PHACTR2: variants seen among roughly 807,000 people sequenced by gnomAD.
The protein encoded by PHACTR2 is phosphatase and actin regulator 2.
In PHACTR2, 30 loss-of-function variants were observed where a neutral mutation model predicts 76.0. That is an observed-to-expected ratio of 0.39 (90% CI 0.30 to 0.54). The LOEUF is 0.54. Ranked by LOEUF, PHACTR2 falls within the 20% of genes least tolerant of loss-of-function variation. The pLI is 0.61. For synonymous variants in PHACTR2, 292 were observed against 292.5 expected (o/e 1.00, Z 0.02); for missense variants, 696 against 781.1 (o/e 0.89, Z 1.30).
chr6:143,602,034 G>A lies in PHACTR2; in HGVS notation c.217+64827G>A, dbSNP rs1158789670. ...AAGCATTTATCATTTTTTATGTTAG[G>A]AACATTCCAATTCCACTCTTTTAGT... On this transcript the variant is annotated intron_variant, in intron 1 of 11. Coordinates refer to the PHACTR2 transcript ENST00000367584. This position sits in a 1 kb window ranked among gnomAD's most constrained non-coding sequence, Gnocchi z 6.1. 6.6e-6 allele frequency among the ~76,000 whole-genome samples: 1 copy of A among 152,108 alleles called. No individual in the cohort carries two copies. Among genetic ancestry groups the A allele is most frequent in the Non-Finnish European group, 1.5e-5 (1 of 68,006 alleles).
At chr6:143,631,872 T>C (rs1379004777) in intron 1 of PHACTR2, among the ~76,000 whole-genome samples, 1 of 152,216 alleles carries the variant, frequency 6.6e-6, no homozygotes, top group Non-Finnish European at 1.5e-5. Context: ...CTGTCTTTAT[T>C]TGGCAGTCCC....
rs1194814902 is a variant in PHACTR2, at chr6:143,710,281, T to A, written c.47-1735T>A. ...AGGAATCTCACCACCGTGTTGTTTC[T>A]TGGGTTCTGAGGTCCCAGGCTTGTC... On this transcript the variant is annotated intron_variant, in intron 1 of 12. Coordinates refer to ENST00000440869, the MANE Select transcript of PHACTR2 (RefSeq NM_001100164.2). This position sits in a 1 kb window ranked among gnomAD's most constrained non-coding sequence, Gnocchi z 4.9. 7.9e-5 allele frequency among the ~76,000 whole-genome samples: 12 copies of A among 152,234 alleles called. No individual in the cohort carries two copies. Among genetic ancestry groups the A allele is most frequent in the Non-Finnish European group, 1.5e-4 (10 of 68,038 alleles).
At chr6:143,579,767 T>C (rs1437289889) in intron 1 of PHACTR2, among the ~76,000 whole-genome samples, 2 of 152,000 alleles carry the variant, frequency 1.3e-5, no homozygotes, top group African/African-American at 4.8e-5. Flanking sequence ...TATGAAAAAC[T>C]ACCCTACAGT....
At position 143,765,665 on chromosome 6, in the gene PHACTR2, C is replaced by A; in HGVS notation, c.1099C>A (p.Leu367Ile). ...CITASDTPVV[L>I]VSVGADLPVS... ...TACTGCCTCAGACACTCCAGTTGTCCTCGTCAGCGTTGGAGCTGACCTGCC... is the reference window on the plus strand; with the variant it reads ...TACTGCCTCAGACACTCCAGTTGTCATCGTCAGCGTTGGAGCTGACCTGCC... The change falls in exon 6 of 13, where the codon CTC becomes ATC. Residue 367 changes from leucine (L) to isoleucine (I), a missense_variant. This residue lies in a region of PHACTR2 where 460 missense variants were observed against 450.9 expected (regional missense o/e 1.02). Transcript: ENST00000440869. This position sits in a 1 kb window ranked among gnomAD's most constrained non-coding sequence, Gnocchi z 4.1. 6.2e-7 allele frequency: 1 copy of A among 1,614,208 alleles called. No individual in the cohort carries two copies. Among genetic ancestry groups the A allele is most frequent in the Non-Finnish European group, 8.5e-7 (1 of 1,180,042 alleles).
intron 1 of PHACTR2, among the ~76,000 whole-genome samples, chr6:143,651,955 G>T (rs528953182): frequency 1.3e-5 from 2 of 151,452 alleles, no homozygotes; most frequent in African/African-American, 2.4e-5. Context: ...TAGAGAAAAG[G>T]CAGCCACCTA....
At position 143,549,714 on chromosome 6, in the gene PHACTR2, T is replaced by C. The variant is rs960317690; in HGVS notation, c.217+12507T>C. Among the ~76,000 whole-genome samples, 4 of 152,074 alleles carry C rather than the reference T, an allele frequency of 2.6e-5. No homozygotes were observed. The highest frequency in any genetic ancestry group is 7.2e-5 in the African/African-American group (3 of 41,450). On this transcript the variant is annotated intron_variant, in intron 1 of 11. Coordinates refer to the PHACTR2 transcript ENST00000367584. The surrounding 1 kb of genome is among the most constrained non-coding windows in gnomAD (Gnocchi z 4.2). ...CTGCCTGGCTGCCACTCCTCCCTTC[T>C]TCTGCACACGCCTACTTTAACAGTT...
At chr6:143,560,118 A>G (rs1293575862) in intron 1 of PHACTR2, among the ~76,000 whole-genome samples, 2 of 152,212 alleles carry the variant, frequency 1.3e-5, no homozygotes, top group African/African-American at 4.8e-5. Flanking sequence ...TCGGGAAAAC[A>G]GAAAGTTGGT....
intron 1 of PHACTR2, among the ~76,000 whole-genome samples, chr6:143,705,346 G>C (rs1055082195): frequency 1.4e-5 from 2 of 146,734 alleles, no homozygotes; most frequent in African/African-American, 2.6e-5. Flanking sequence ...CCAGGCTGGA[G>C]TGCAGTGGCG....
At chr6:143,814,647 G>A (rs1329536600) in intron 12 of PHACTR2, among the ~76,000 whole-genome samples, 2 of 140,056 alleles carry the variant, frequency 1.4e-5, no homozygotes, top group Non-Finnish European at 3.2e-5. Context: ...CTGTCGCCCA[G>A]GCTGGAGTGC....
In PHACTR2 at chr6:143,753,818, T is replaced by C; in HGVS notation, c.360T>C (p.Ser120=). 2 of 1,612,990 alleles carry C rather than the reference T, an allele frequency of 1.2e-6. No individual in the cohort carries two copies. The highest frequency in any genetic ancestry group is 2.2e-5 in the East Asian group (1 of 44,834). ...NGHMIPIGEE[S]TREENVVKSE... The stretch of plus-strand genomic sequence containing the variant: ...ACATGATACCCATCGGAGAGGAATC[T>C]ACCCGAGAGGAAAATGTAGTAAAGT... Residue 120 remains serine (S), a synonymous_variant, in exon 4 of 13, where the codon TCT becomes TCC. Transcript: ENST00000440869. The surrounding 1 kb of genome is among the most constrained non-coding windows in gnomAD (Gnocchi z 4.6).
rs1240362506 is a variant in PHACTR2 at position 143,742,421 on chromosome 6, T to C, written c.215-6564T>C. Among the ~76,000 whole-genome samples, 2 of 152,188 alleles carry C rather than the reference T, an allele frequency of 1.3e-5. No individual in the cohort carries two copies. The highest frequency in any genetic ancestry group is 1.3e-4 in the Admixed American group (2 of 15,274). The stretch of plus-strand genomic sequence containing the variant: ...GCCACTCTTGCTCATATTTGTCTGG[T>C]TTTAACAGCTCCAGAAGAAAGAGAA... On this transcript the variant is annotated intron_variant, in intron 2 of 12. Transcript: ENST00000440869. The surrounding 1 kb of genome is among the most constrained non-coding windows in gnomAD (Gnocchi z 4.5).
At position 143,646,886 on chromosome 6, in the gene PHACTR2, T is replaced by C. The variant is rs1326807693; in HGVS notation, c.13+38564T>C. 6.6e-6 allele frequency among the ~76,000 whole-genome samples: 1 copy of C among 152,252 alleles called. No homozygotes were observed. The highest frequency in any genetic ancestry group is 1.5e-5 in the Non-Finnish European group (1 of 68,042). ...GAGAACGTTTTCTCATCCTTAGTTATGTTTGTTGTTCTAACATAACAGTCT... is the reference window on the plus strand; with the variant it reads ...GAGAACGTTTTCTCATCCTTAGTTACGTTTGTTGTTCTAACATAACAGTCT... On this transcript the variant is annotated intron_variant, in intron 1 of 11. Coordinates refer to the PHACTR2 transcript ENST00000305766. The surrounding 1 kb of genome is among the most constrained non-coding windows in gnomAD (Gnocchi z 4.1).
In PHACTR2 at chr6:143,627,590, G is replaced by A. The variant is rs1258526100; in HGVS notation, c.13+19268G>A. Reference sequence around the variant, plus strand: ...TGGCATTCAGTACATTCACAATGTTGTACAACCACCACTTCCTTTTTTTTT... The same window carrying A: ...TGGCATTCAGTACATTCACAATGTTATACAACCACCACTTCCTTTTTTTTT... On this transcript the variant is annotated intron_variant, in intron 1 of 11. Coordinates refer to the PHACTR2 transcript ENST00000305766. The surrounding 1 kb of genome is among the most constrained non-coding windows in gnomAD (Gnocchi z 4.3). Among the ~76,000 whole-genome samples the A allele has an allele frequency of 6.9e-6, 1 of 144,982 alleles. No individual in the cohort carries two copies. The highest frequency in any genetic ancestry group is 2.0e-4 in the East Asian group (1 of 5,086).
rs1041671452 is a variant in PHACTR2, at chr6:143,709,902, C to G, written c.47-2114C>G. On this transcript the variant is annotated intron_variant, in intron 1 of 12. Transcript: ENST00000440869. The surrounding 1 kb of genome is among the most constrained non-coding windows in gnomAD (Gnocchi z 4.4). Reference sequence around the variant, plus strand: ...AGATGCTTCATTATCAGCCACCAGGCATAAAGGTGCTAGTTTCCTGCTTGG... The same window carrying G: ...AGATGCTTCATTATCAGCCACCAGGGATAAAGGTGCTAGTTTCCTGCTTGG... Among the ~76,000 whole-genome samples the G allele has an allele frequency of 1.3e-5, 2 of 152,108 alleles. No homozygotes were observed. The highest frequency in any genetic ancestry group is 4.8e-5 in the African/African-American group (2 of 41,398).
intron 12 of PHACTR2, among the ~76,000 whole-genome samples, chr6:143,813,887 G>T (rs753441670): frequency 2.0e-5 from 3 of 152,038 alleles, no homozygotes; most frequent in Non-Finnish European, 2.9e-5. Context: ...CCCACTCACA[G>T]TCAAAAATAC....
In PHACTR2 at chr6:143,743,357, C is replaced by T. The variant is rs150569762; in HGVS notation, c.215-5628C>T. Among the ~76,000 whole-genome samples the T allele has an allele frequency of 9.4e-3, 1,431 of 152,242 alleles. 10 individuals are homozygous for T. Among genetic ancestry groups the T allele is most frequent in the Non-Finnish European group, 0.016 (1,061 of 68,000 alleles). ...TGGTTCGCTGGGACGGGTTGTAAAG[C>T]TTGGCTGCCGTTCCAAGTCCAGCTG... On this transcript the variant is annotated intron_variant, in intron 2 of 12. Coordinates refer to ENST00000440869, the MANE Select transcript of PHACTR2 (RefSeq NM_001100164.2). The surrounding 1 kb of genome is among the most constrained non-coding windows in gnomAD (Gnocchi z 5.0).
In PHACTR2 at chr6:143,776,522, A is replaced by C. The variant is rs1249782727; in HGVS notation, c.1590-806A>C. ...AAATACTTAACTATTCACAGGCAGA[A>C]GTCCGTAGTCAGGTACCTAGCTAAC... is the stretch of plus-strand genomic sequence containing the variant. On this transcript the variant is annotated intron_variant, in intron 8 of 12. Transcript: ENST00000440869. The surrounding 1 kb of genome is among the most constrained non-coding windows in gnomAD (Gnocchi z 5.3). Among the ~76,000 whole-genome samples the C allele has an allele frequency of 6.6e-6, 1 of 152,258 alleles. No homozygotes were observed. Among genetic ancestry groups the C allele is most frequent in the African/African-American group, 2.4e-5 (1 of 41,468 alleles).
chr6:143,617,912 T>G lies in PHACTR2; in HGVS notation c.13+9590T>G, dbSNP rs919420561. On this transcript the variant is annotated intron_variant, in intron 1 of 11. Coordinates refer to the PHACTR2 transcript ENST00000305766. The surrounding 1 kb of genome is among the most constrained non-coding windows in gnomAD (Gnocchi z 4.8). ...GTCACCTACTTCCTAATCAGGAAGG[T>G]TGGTTTCTTTTCCAACATCTTAGAA... is the stretch of plus-strand genomic sequence containing the variant. Among the ~76,000 whole-genome samples the G allele has an allele frequency of 6.6e-6, 1 of 152,142 alleles. No individual in the cohort carries two copies. Among genetic ancestry groups the G allele is most frequent in the African/African-American group, 2.4e-5 (1 of 41,438 alleles).
chr6:143,592,775 C>G lies in PHACTR2; in HGVS notation c.217+55568C>G, dbSNP rs1428792550. 6.6e-6 allele frequency among the ~76,000 whole-genome samples: 1 copy of G among 152,002 alleles called. No individual in the cohort carries two copies. The highest frequency in any genetic ancestry group is 1.9e-4 in the East Asian group (1 of 5,178). ...AAGAATCCCAACCTTGGGCTGGGCA[C>G]GGTGGCTCAAGCCTGTAATCCCAGC... On this transcript the variant is annotated intron_variant, in intron 1 of 11. Coordinates refer to the PHACTR2 transcript ENST00000367584. The surrounding 1 kb of genome is among the most constrained non-coding windows in gnomAD (Gnocchi z 4.0).
Sources: gnomAD v4.1 joint callset for allele counts (sites outside exome capture counted in the v4.1 genomes callset) on GRCh38, gnomAD v4.1.1 for gene constraint, gnomAD v4.1.1 regional missense constraint, Gnocchi (gnomAD v3.1) non-coding constraint, MANE v1.5 for transcripts, NCBI Gene and HGNC (gene_info 2026-07-23, HGNC 2026-07-21) for gene names.